The following SYNE1 variants were observed in gnomAD, a reference collection of about 807,000 sequenced individuals.
SYNE1 encodes spectrin repeat containing nuclear envelope protein 1.
A neutral mutation model predicts 1,111.0 loss-of-function variants in SYNE1; 616 were observed. The observed-to-expected ratio is 0.55, with a 90% CI of 0.52 to 0.59. The LOEUF (loss-of-function observed/expected upper bound fraction) is 0.59. SYNE1 is among the 20% of genes least tolerant of loss of function. The pLI, the probability that SYNE1 is intolerant of heterozygous loss-of-function variation, is 0.00. For synonymous variants in SYNE1, 3,855 were observed against 3,825.8 expected (o/e 1.01, Z -0.28); for missense variants, 10,006 against 10,417.0 (o/e 0.96, Z 1.72).
chr6:152,154,868 T>C, intron 133 of SYNE1, 24 bp downstream of exon 133: 1 of 1,613,812 alleles, frequency 6.2e-7, no homozygotes, highest in South Asian at 1.1e-5. Context: ...AAATAAGGAT[T>C]AAAAATTTGG....
Position 152,323,606 on chromosome 6 carries a change from C to G in SYNE1, c.15789G>C (p.Gln5263His). The G allele has an allele frequency of 1.2e-6, 2 of 1,614,254 alleles. No homozygotes were observed. The highest frequency in any genetic ancestry group is 1.7e-6 in the Non-Finnish European group (2 of 1,180,048). ...YHDTFVLELE[Q>H]QQSALGMLRQ... ...GCAGCATGCCCAAGGCCGACTGCTG[C>G]TGCTCCAGCTCCAGAACGAACGTGT... is the stretch of plus-strand genomic sequence containing the variant. The change falls in exon 82 of 146, where the codon CAG becomes CAC. Residue 5263 changes from glutamine (Q) to histidine (H), a missense_variant. Physicochemically the swap from Gln to His is conservative, Grantham distance 24. This residue lies in a region of SYNE1 where 4,955 missense variants were observed against 5,017.2 expected (regional missense o/e 0.99). Transcript: ENST00000367255.
intron 130 of SYNE1, among the ~76,000 whole-genome samples, chr6:152,165,493 ATTC>A (rs1416078581): frequency 6.6e-6 from 1 of 152,170 alleles, no homozygotes; most frequent in African/African-American, 2.4e-5. Flanking sequence ...GTAATTAATA[ATTC>A]TTCTATTTGA....
intron 58 of SYNE1, 83 bp from the exon 59 acceptor site, chr6:152,373,302 T>G: frequency 7.9e-7 from 1 of 1,259,282 alleles, no homozygotes; most frequent in Non-Finnish European, 1.1e-6. Context: ...TTTTTTGAGA[T>G]GGAGTCTCAC....
intron 3 of SYNE1, among the ~76,000 whole-genome samples, chr6:152,578,786 T>C (rs2099509878): frequency 6.6e-6 from 1 of 152,238 alleles, no homozygotes; most frequent in Non-Finnish European, 1.5e-5. Flanking sequence ...ACATCTATTT[T>C]ATGAATTTAT....
chr6:152,601,571 A>T (rs980474675), intron 3 of SYNE1, among the ~76,000 whole-genome samples: 19 of 152,210 alleles, frequency 1.2e-4, no homozygotes, highest in Non-Finnish European at 1.0e-4. Flanking sequence ...GAACCCAGGC[A>T]GGCTGCTATC....
At chr6:152,556,363 A>G (rs1482716335) in intron 3 of SYNE1, among the ~76,000 whole-genome samples, 5 of 152,192 alleles carry the variant, frequency 3.3e-5, no homozygotes. Flanking sequence ...TGAGCACTTG[A>G]CTTCAAAGTA....
intron 3 of SYNE1, among the ~76,000 whole-genome samples, chr6:152,581,626 T>C (rs1430879345): frequency 6.6e-6 from 1 of 152,188 alleles, no homozygotes; most frequent in Non-Finnish European, 1.5e-5. Context: ...TGTCCTGTCC[T>C]CAGACCTCCC....
Position 152,331,328 on chromosome 6 carries a change from A to G in SYNE1, c.13357T>C (p.Ser4453Pro). ...GCCATGAGAAACTGGGTTTTCTCGG[A>G]CAAGGCTTTGTTTAAGTACTTTCTT... Reference protein sequence around the residue: ...QRRKYLNKALSEKTQFLMAVF... With the variant: ...QRRKYLNKALPEKTQFLMAVF... The change falls in exon 78 of 146, where the codon TCC becomes CCC. Residue 4453 changes from serine to proline, a missense_variant. Physicochemically the swap from Ser to Pro is moderately conservative, Grantham distance 74. This residue lies in a region of SYNE1 where 4,955 missense variants were observed against 5,017.2 expected (regional missense o/e 0.99). Transcript: ENST00000367255. 1 of 1,614,178 alleles carries G rather than the reference A, an allele frequency of 6.2e-7. No homozygotes were observed. Among genetic ancestry groups the G allele is most frequent in the South Asian group, 1.1e-5 (1 of 91,084 alleles).
Position 152,321,709 on chromosome 6 carries a change from A to G in SYNE1, c.16083+12T>C. ...AATGATGGGTAAAGAGAATGAGGAG[A>G]CTTTTTTGTACCTGAAGTTCTTCAA... On this transcript the variant is annotated intron_variant, in intron 83 of 145. Coordinates refer to ENST00000367255, the MANE Select transcript of SYNE1 (RefSeq NM_182961.4). 6.2e-7 allele frequency: 1 copy of G among 1,613,944 alleles called. No individual in the cohort carries two copies. The highest frequency in any genetic ancestry group is 8.5e-7 in the Non-Finnish European group (1 of 1,179,914).
intron 97 of SYNE1, among the ~76,000 whole-genome samples, chr6:152,279,784 C>A (rs1392674824): frequency 2.0e-5 from 3 of 148,100 alleles, no homozygotes; most frequent in African/African-American, 5.0e-5. Flanking sequence ...AAGAGTAATA[C>A]TTTTATTAAA....
intron 4 of SYNE1, among the ~76,000 whole-genome samples, chr6:152,530,470 T>TG (rs1491524226): frequency 2.2e-5 from 1 of 45,332 alleles, no homozygotes; most frequent in African/African-American, 4.5e-5. Flanking sequence ...ATTGTATGGT[T>TG]TTTTTTTTTT....
chr6:152,453,759 G>C lies in SYNE1; in HGVS notation c.2893-39C>G, dbSNP rs1256640082. 4 of 1,613,902 alleles carry C rather than the reference G, an allele frequency of 2.5e-6. No homozygotes were observed. The South Asian group carries it at 3.3e-5, about 13-fold the overall frequency. On this transcript the variant is annotated intron_variant, in intron 24 of 145. Transcript: ENST00000367255. ...GGAAAGTGGGTAAGAGTGTTGGACA[G>C]ACGAAAAGGCAGCACCAGGCACAAT...
At chr6:152,622,492 TC>T (rs1565251730) in intron 3 of SYNE1, among the ~76,000 whole-genome samples, 1 of 152,132 alleles carries the variant, frequency 6.6e-6, no homozygotes, top group Admixed American at 6.6e-5. Flanking sequence ...ATCATGTAGC[TC>T]CCACTTATAA....
chr6:152,431,725 C>T (rs1287866645), intron 34 of SYNE1, among the ~76,000 whole-genome samples: 2 of 151,994 alleles, frequency 1.3e-5, no homozygotes, highest in Admixed American at 1.3e-4. Flanking sequence ...GATGAGACAC[C>T]ATAGTCAGAA....
chr6:152,332,549 A>C (rs1296987982), intron 77 of SYNE1, among the ~76,000 whole-genome samples: 1 of 152,230 alleles, frequency 6.6e-6, no homozygotes, highest in African/African-American at 2.4e-5. Context: ...AATGTTAAAC[A>C]GTGAGAAGCA....
rs1223909047 is a variant in SYNE1, at chr6:152,510,199, G to C, written c.575C>G (p.Ala192Gly). Residue 192 changes from alanine to glycine, a missense_variant, in exon 8 of 146, where the codon GCT becomes GGT. By Grantham distance (60) the Ala-to-Gly change is moderately conservative. Coordinates refer to ENST00000367255, the MANE Select transcript of SYNE1 (RefSeq NM_182961.4). The stretch of plus-strand genomic sequence containing the variant: ...ACAAACTCTTGATACTTACTTGCCA[G>C]CTGTGTACTGAACCCACTTTAATAA... ...KALLKWVQYT[A>G]GKQTGIEVKD... is the part of the protein sequence containing the mutation. The C allele has an allele frequency of 1.2e-6, 2 of 1,613,798 alleles. No homozygotes were observed. Among genetic ancestry groups the C allele is most frequent in the Non-Finnish European group, 1.7e-6 (2 of 1,179,886 alleles).
At chr6:152,347,339 A>C in intron 72 of SYNE1, 104 bp from the exon 73 acceptor site, 1 of 1,364,206 alleles carries the variant, frequency 7.3e-7, no homozygotes, top group Non-Finnish European at 1.0e-6. Context: ...TTGTTTTTGA[A>C]AGAATCTTGC....
chr6:152,331,940 G>C, intron 77 of SYNE1, 50 bp from the exon 78 acceptor site: 1 of 1,600,970 alleles, frequency 6.2e-7, no homozygotes, highest in Non-Finnish European at 8.5e-7. Context: ...AGTCAATATC[G>C]ATGTTTGTTC....
chr6:152,233,677 G>A (rs1195822689), intron 112 of SYNE1, 104 bp downstream of exon 112: 24 of 1,409,954 alleles, frequency 1.7e-5, no homozygotes, highest in Non-Finnish European at 2.9e-6. Context: ...CCAGGTGTCT[G>A]GGACAAAGCT....
Sources: allele counts gnomAD v4.1 joint callset (sites outside exome capture counted in the v4.1 genomes callset), GRCh38; gene constraint gnomAD v4.1.1; regional missense constraint gnomAD v4.1.1; transcripts MANE v1.5; gene names NCBI Gene and HGNC (gene_info 2026-07-23, HGNC 2026-07-21).